Variants in SLC13A3 observed in about 807,000 individuals in gnomAD.
The protein encoded by SLC13A3 is solute carrier family 13 member 3, also known as Na(+)/dicarboxylate cotransporter 3.
A neutral mutation model predicts 59.0 loss-of-function variants in SLC13A3; 40 were observed. The ratio of observed to expected loss-of-function variants is 0.68; its 90% CI spans 0.53 to 0.88. SLC13A3 has a LOEUF of 0.88. SLC13A3 is among the 40% of genes least tolerant of loss of function. The pLI is 0.00. For synonymous variants in SLC13A3, 317 were observed against 330.3 expected (o/e 0.96, Z 0.44); for missense variants, 699 against 783.2 (o/e 0.89, Z 1.28).
At chr20:46,634,192 G>A (rs1403800103) in intron 1 of SLC13A3, among the ~76,000 whole-genome samples, 1 of 152,188 alleles carries the variant, frequency 6.6e-6, no homozygotes, top group East Asian at 1.9e-4. Flanking sequence ...GAAAGGACAG[G>A]CACTCAACAG....
chr20:46,637,079 G>A lies in SLC13A3; in HGVS notation c.111+14232C>T, dbSNP rs1384871736. 2.6e-5 allele frequency among the ~76,000 whole-genome samples: 4 copies of A among 152,116 alleles called. 1 individual carries two copies. Among genetic ancestry groups the A allele is most frequent in the South Asian group, 4.1e-4 (2 of 4,820 alleles). ...CTCCCAAAGTGCTAGGATTACAGGC[G>A]TGAGCCACCGCGCCCGGCCTGACAT... On this transcript the variant is annotated intron_variant, in intron 1 of 12. Coordinates refer to ENST00000279027, the MANE Select transcript of SLC13A3 (RefSeq NM_022829.6).
rs1315440810 is a variant in SLC13A3, at chr20:46,610,463, T to G, written c.524A>C (p.Glu175Ala). Residue 175 changes from glutamate (E) to alanine (A), a missense_variant, in exon 3 of 13, where the codon GAG becomes GCG. Physicochemically the swap from Glu to Ala is moderately radical, Grantham distance 107 (BLOSUM62 -1). Transcript: ENST00000279027. ...AGCCTCACCTGTGTTCTCTTCACTC[T>G]CCTGGCTGGGGTCCTTTCGAACCTC... is the stretch of plus-strand genomic sequence containing the variant. ...QKEVRKDPSQ[E>A]SEENTAAVRR... 4 of 1,613,662 alleles carry G rather than the reference T, an allele frequency of 2.5e-6. No homozygotes were observed. Among genetic ancestry groups the G allele is most frequent in the Non-Finnish European group, 3.4e-6 (4 of 1,179,750 alleles).
At chr20:46,680,457 G>A (rs2063148750) in intron 1 of SLC13A3, among the ~76,000 whole-genome samples, 1 of 152,220 alleles carries the variant, frequency 6.6e-6, no homozygotes, top group South Asian at 2.1e-4. Flanking sequence ...GTGCGACCCA[G>A]ATCCCTTAAG....
chr20:46,610,382 G>T, intron 3 of SLC13A3, 64 bp downstream of exon 3: 1 of 1,519,508 alleles, frequency 6.6e-7, no homozygotes, highest in Non-Finnish European at 8.9e-7. Context: ...AACATCCTTT[G>T]GACATCCCAT....
In SLC13A3 at chr20:46,591,603, T is replaced by C. The variant is rs959315618; in HGVS notation, c.920+801A>G. Among the ~76,000 whole-genome samples, 4 of 152,324 alleles carry C rather than the reference T, an allele frequency of 2.6e-5. No homozygotes were observed. The South Asian group carries it at 8.3e-4, about 32-fold the overall frequency. ...GAAATGTTAGATATTAAGGTTTCTT[T>C]AGCACCCAACTGAGACTTTCTCCTC... On this transcript the variant is annotated intron_variant, in intron 6 of 12. Transcript: ENST00000279027.
At chr20:46,604,553 G>A (rs1386553164) in intron 3 of SLC13A3, among the ~76,000 whole-genome samples, 4 of 152,080 alleles carry the variant, frequency 2.6e-5, no homozygotes, top group South Asian at 2.1e-4. Flanking sequence ...GTCTCGCCCC[G>A]TGGTTTGGGG....
intron 1 of SLC13A3, among the ~76,000 whole-genome samples, chr20:46,632,367 C>T (rs2062747523): frequency 6.6e-6 from 1 of 152,104 alleles, no homozygotes; most frequent in East Asian, 1.9e-4. Context: ...CGCTTCCTCA[C>T]TCCGAGCGTC....
At chr20:46,641,695 G>A (rs867519621) in intron 1 of SLC13A3, among the ~76,000 whole-genome samples, 1 of 152,204 alleles carries the variant, frequency 6.6e-6, no homozygotes, top group Non-Finnish European at 1.5e-5. Context: ...GGCACAGTGA[G>A]AAAAGACAAG....
In SLC13A3 at chr20:46,559,360, C is replaced by T. The variant is rs1478107388; in HGVS notation, c.*662G>A. 1 of 152,274 alleles carries T rather than the reference C, an allele frequency of 6.6e-6. No individual in the cohort carries two copies. The highest frequency in any genetic ancestry group is 1.5e-5 in the Non-Finnish European group (1 of 68,090). 9.4% of individuals were successfully genotyped at this position (152,274 alleles called of 1,614,324 possible). On this transcript the variant is annotated 3_prime_UTR_variant, in exon 13 of 13. Coordinates refer to ENST00000279027, the MANE Select transcript of SLC13A3 (RefSeq NM_022829.6). ...ATGTCAGCTGCGGTTTCTAGAACTT[C>T]CCCTGGTATGCTCAGGAGCCCAGAG... is the stretch of plus-strand genomic sequence containing the variant.
At chr20:46,635,912 A>T (rs936534064) in intron 1 of SLC13A3, among the ~76,000 whole-genome samples, 9 of 151,962 alleles carry the variant, frequency 5.9e-5, no homozygotes, top group African/African-American at 2.2e-4. Flanking sequence ...GCTAAAAGAC[A>T]CTCCCACCAG....
chr20:46,622,872 A>C (rs916679383), intron 1 of SLC13A3, among the ~76,000 whole-genome samples: 1 of 152,166 alleles, frequency 6.6e-6, no homozygotes, highest in Non-Finnish European at 1.5e-5. Flanking sequence ...TAACCAGAGG[A>C]ACTTCCTGAT....
intron 1 of SLC13A3, among the ~76,000 whole-genome samples, chr20:46,658,102 G>T (rs184250094): frequency 2.0e-5 from 3 of 152,116 alleles, no homozygotes; most frequent in East Asian, 3.9e-4. Context: ...CCTTGTCTTT[G>T]CTCCCCATGT....
intron 3 of SLC13A3, among the ~76,000 whole-genome samples, chr20:46,600,360 G>GA (rs2062365849): frequency 6.9e-6 from 1 of 145,850 alleles, no homozygotes; most frequent in African/African-American, 2.6e-5. Flanking sequence ...GAAAGGAAAG[G>GA]AAAGAAAAGG....
At chr20:46,650,595 C>G (rs1237853733) in intron 1 of SLC13A3, among the ~76,000 whole-genome samples, 1 of 152,194 alleles carries the variant, frequency 6.6e-6, no homozygotes, top group Non-Finnish European at 1.5e-5. Flanking sequence ...TTGATATTCA[C>G]CGCTGCCCTA....
intron 1 of SLC13A3, among the ~76,000 whole-genome samples, chr20:46,623,365 T>C (rs1012827981): frequency 1.3e-4 from 20 of 152,252 alleles, no homozygotes; most frequent in African/African-American, 4.8e-4. Flanking sequence ...TATTAACTCA[T>C]GTAATGCCCC....
At chr20:46,632,916 T>TACCCACCCAGATCG (rs377007624) in intron 1 of SLC13A3, among the ~76,000 whole-genome samples, 6 of 69,342 alleles carry the variant, frequency 8.7e-5, no homozygotes, top group East Asian at 5.6e-4. Context: ...TAGATATATC[T>TACCCACCCAGATCG]ATCTATCTAT....
At chr20:46,575,865 T>C (rs1397212661) in intron 9 of SLC13A3, among the ~76,000 whole-genome samples, 180 bp from the exon 10 acceptor site, 1 of 152,158 alleles carries the variant, frequency 6.6e-6, no homozygotes, top group Non-Finnish European at 1.5e-5. Flanking sequence ...TAGGTGGAGC[T>C]GCTCTATTCC....
At chr20:46,639,169 C>T (rs764771230) in intron 1 of SLC13A3, among the ~76,000 whole-genome samples, 5 of 146,220 alleles carry the variant, frequency 3.4e-5, no homozygotes, top group Non-Finnish European at 7.4e-5. Flanking sequence ...TGGGGCCAGG[C>T]ATGGTGGCTC....
At chr20:46,597,113 G>C (rs1162612981) in intron 4 of SLC13A3, among the ~76,000 whole-genome samples, 3 of 152,092 alleles carry the variant, frequency 2.0e-5, no homozygotes, top group Non-Finnish European at 4.4e-5. Context: ...ATGAATATAA[G>C]AATATTTAAA....
Sources: gnomAD v4.1 joint callset for allele counts (sites outside exome capture counted in the v4.1 genomes callset) on GRCh38, gnomAD v4.1.1 for gene constraint, MANE v1.5 for transcripts, NCBI Gene and HGNC (gene_info 2026-07-23, HGNC 2026-07-21) for gene names.